The following DIP2B variants were observed in gnomAD, a reference collection of about 807,000 sequenced individuals.
DIP2B encodes DIP2 acetate--CoA ligase B (putative).
Under a neutral mutation model 198.0 loss-of-function variants are expected in DIP2B, and 76 were observed. That is an observed-to-expected ratio of 0.38 (90% CI 0.32 to 0.46). DIP2B has a LOEUF of 0.46. Ranked by LOEUF, DIP2B falls within the 20% of genes least tolerant of loss-of-function variation. DIP2B has a pLI of 0.99. For synonymous variants in DIP2B, 701 were observed against 739.1 expected (o/e 0.95, Z 0.84); for missense variants, 1,559 against 1,978.4 (o/e 0.79, Z 4.02).
chr12:50,738,113 G>C (rs143144747), intron 35 of DIP2B, among the ~76,000 whole-genome samples: 1 of 151,822 alleles, frequency 6.6e-6, no homozygotes, highest in Non-Finnish European at 1.5e-5. Context: ...AGGCCAAGGC[G>C]GGTGAATCAC....
In DIP2B at chr12:50,695,242, CT is replaced by C. The variant is rs1435524553; in HGVS notation, c.1720-21del. ...CTAAGTATGTATTTTGTATTGATTACTTTTCTTCTTTCTTTGTTTTTCAGAA... is the reference window on the plus strand; with the variant it reads ...CTAAGTATGTATTTTGTATTGATTACTTTCTTCTTTCTTTGTTTTTCAGAA... On this transcript the variant is annotated intron_variant, in intron 14 of 37. Transcript: ENST00000301180. The C allele has an allele frequency of 2.5e-6, 4 of 1,593,980 alleles. No homozygotes were observed. In the South Asian group the frequency reaches 4.5e-5, roughly 18 times the overall value.
chr12:50,511,385 G>A (rs11614911), intron 1 of DIP2B, among the ~76,000 whole-genome samples: 84,608 of 143,810 alleles, frequency 0.59, 24,848 homozygotes, highest in South Asian at 0.72. Context: ...CCCGCCTTCC[G>A]GGCTCAAGCG....
chr12:50,685,107 A>T (rs371178178), intron 10 of DIP2B, among the ~76,000 whole-genome samples: 2 of 152,194 alleles, frequency 1.3e-5, no homozygotes, highest in East Asian at 1.9e-4. Flanking sequence ...AAAAGAAAAG[A>T]AAAAGCATTT....
Position 50,744,973 on chromosome 12 carries a change from A to G in DIP2B, c.*134A>G. The G allele has an allele frequency of 8.9e-7, 1 of 1,123,572 alleles. No individual in the cohort carries two copies. Among genetic ancestry groups the G allele is most frequent in the Non-Finnish European group, 1.2e-6 (1 of 802,566 alleles). The allele number at this position is 1,123,572 out of a possible 1,614,324, so 69.6% of individuals were successfully genotyped here. A position where few individuals can be genotyped will look rare whatever the true frequency, so the allele number is the denominator to read the frequency against. ...GATATTCTTCATCTCATCCTGTGGG[A>G]TTCTGCAATCATAAAACACAGGAAA... On this transcript the variant is annotated 3_prime_UTR_variant, in exon 38 of 38. Transcript: ENST00000301180.
At chr12:50,698,706 T>TGA (rs1432151486) in intron 18 of DIP2B, among the ~76,000 whole-genome samples, 1 of 152,204 alleles carries the variant, frequency 6.6e-6, no homozygotes, top group African/African-American at 2.4e-5. Context: ...GGCCAAATAC[T>TGA]GAGAGATGTT....
chr12:50,631,476 C>T (rs563745615), intron 2 of DIP2B, among the ~76,000 whole-genome samples: 124 of 152,242 alleles, frequency 8.1e-4, no homozygotes, highest in Admixed American at 4.0e-3. Context: ...CCACCTGCCT[C>T]GGCCTCCCAA....
At chr12:50,578,895 C>T (rs1313094716) in intron 1 of DIP2B, among the ~76,000 whole-genome samples, 1 of 152,128 alleles carries the variant, frequency 6.6e-6, no homozygotes, top group East Asian at 1.9e-4. Flanking sequence ...TCTTTATCCA[C>T]AACAATGCAT....
At chr12:50,604,317 T>G (rs1958963826) in intron 1 of DIP2B, among the ~76,000 whole-genome samples, 1 of 152,172 alleles carries the variant, frequency 6.6e-6, no homozygotes, top group African/African-American at 2.4e-5. Flanking sequence ...CCTCATTTCA[T>G]TTTCTTGTGA....
chr12:50,721,508 C>G, intron 26 of DIP2B, 112 bp downstream of exon 26: 1 of 1,491,156 alleles, frequency 6.7e-7, no homozygotes, highest in African/African-American at 1.4e-5. Flanking sequence ...CAGTGTACTT[C>G]CCAACACTTA....
intron 1 of DIP2B, among the ~76,000 whole-genome samples, chr12:50,574,275 G>A (rs912500255): frequency 2.0e-5 from 3 of 152,084 alleles, no homozygotes; most frequent in Non-Finnish European, 4.4e-5. Flanking sequence ...GATTTAGAAA[G>A]GCCAATAAAT....
intron 1 of DIP2B, among the ~76,000 whole-genome samples, chr12:50,616,265 CTCTACTGAGA>C (rs1937699225): frequency 6.6e-6 from 1 of 152,210 alleles, no homozygotes; most frequent in African/African-American, 2.4e-5. Flanking sequence ...GTGAGAGGAT[CTCTACTGAGA>C]ATGGAAATTT....
intron 1 of DIP2B, among the ~76,000 whole-genome samples, chr12:50,564,600 A>G (rs1958547495): frequency 6.6e-6 from 1 of 152,182 alleles, no homozygotes; most frequent in Non-Finnish European, 1.5e-5. Context: ...CATTAAGACC[A>G]TATGAACGCC....
intron 1 of DIP2B, among the ~76,000 whole-genome samples, chr12:50,518,500 C>T (rs1304819226): frequency 6.6e-6 from 1 of 152,132 alleles, no homozygotes; most frequent in Non-Finnish European, 1.5e-5. Flanking sequence ...TGAGCCACAA[C>T]GCCCGGCCCT....
chr12:50,596,322 C>G (rs961795397), intron 1 of DIP2B, among the ~76,000 whole-genome samples: 1 of 152,150 alleles, frequency 6.6e-6, no homozygotes, highest in Non-Finnish European at 1.5e-5. Flanking sequence ...GGTTGTCTCT[C>G]TTGCATGGTG....
intron 21 of DIP2B, 116 bp downstream of exon 21, chr12:50,706,781 G>T: frequency 1.6e-6 from 2 of 1,223,950 alleles, no homozygotes; most frequent in Non-Finnish European, 2.2e-6. Flanking sequence ...GATTGTTTTT[G>T]TTAAGCATTG....
intron 7 of DIP2B, among the ~76,000 whole-genome samples, chr12:50,675,897 G>A (rs1038873036): frequency 6.6e-6 from 1 of 152,100 alleles, no homozygotes; most frequent in African/African-American, 2.4e-5. Context: ...ATGGTGAAAA[G>A]GTTCAAAGAT....
At position 50,731,380 on chromosome 12, in the gene DIP2B, G is replaced by A. The variant is rs1182654992; in HGVS notation, c.3653G>A (p.Gly1218Asp). The change falls in exon 31 of 38, where the codon GGC becomes GAC. Residue 1218 changes from glycine to aspartate, a missense_variant. Coordinates refer to ENST00000301180, the MANE Select transcript of DIP2B (RefSeq NM_173602.3). ...CTCTTTCACTGCAGTGTCTATTCAG[G>A]CCACCAGTCTGTCTTAATTCCTCCT... Reference protein sequence around the residue: ...ALWCLCSVYSGHQSVLIPPME... With the variant: ...ALWCLCSVYSDHQSVLIPPME... 6.2e-7 allele frequency: 1 copy of A among 1,613,768 alleles called. No individual in the cohort carries two copies. Among genetic ancestry groups the A allele is most frequent in the African/African-American group, 1.3e-5 (1 of 75,028 alleles).
intron 6 of DIP2B, 114 bp from the exon 7 acceptor site, chr12:50,675,215 A>C (rs1253913782): frequency 1.5e-6 from 2 of 1,334,392 alleles, no homozygotes; most frequent in Admixed American, 2.3e-5. Flanking sequence ...TTGAAAGAGA[A>C]GGAAACTGGA....
chr12:50,607,405 T>C (rs1022433264), intron 1 of DIP2B, among the ~76,000 whole-genome samples: 9 of 152,212 alleles, frequency 5.9e-5, no homozygotes, highest in African/African-American at 1.9e-4. Flanking sequence ...TACACAGATA[T>C]GGAATGGAAG....
Sources: gnomAD v4.1 joint callset for allele counts (sites outside exome capture counted in the v4.1 genomes callset) on GRCh38, gnomAD v4.1.1 for gene constraint, MANE v1.5 for transcripts, NCBI Gene and HGNC (gene_info 2026-07-23, HGNC 2026-07-21) for gene names.